The following HMCN1 variants were observed in gnomAD, a reference collection of about 807,000 sequenced individuals.
The protein encoded by HMCN1 is hemicentin-1.
A neutral mutation model predicts 625.9 loss-of-function variants in HMCN1; 321 were observed. The observed-to-expected ratio is 0.51, with a 90% CI of 0.47 to 0.56. HMCN1 has a LOEUF of 0.56. Ranked by LOEUF, HMCN1 falls within the 20% of genes least tolerant of loss-of-function variation. The probability of loss-of-function intolerance (pLI) is 0.00; values close to 1 mark genes in which losing one functional copy is unlikely to be tolerated. For missense variants in HMCN1, 6,588 were observed against 6,887.3 expected, an observed-to-expected ratio of 0.96 and a Z score of 1.54; for synonymous variants, 2,425 against 2,417.6, an observed-to-expected ratio of 1.00 and a Z score of -0.09.
At chr1:185,968,027 A>T (rs1650542990) in intron 14 of HMCN1, among the ~76,000 whole-genome samples, 1 of 152,198 alleles carries the variant, frequency 6.6e-6, no homozygotes, top group Non-Finnish European at 1.5e-5. Flanking sequence ...GAAATCTTAT[A>T]AAAAGTATAT....
At chr1:185,843,443 T>C (rs1330435890) in intron 1 of HMCN1, among the ~76,000 whole-genome samples, 2 of 152,282 alleles carry the variant, frequency 1.3e-5, no homozygotes, top group East Asian at 1.9e-4. Flanking sequence ...CTATAAGCAC[T>C]GGAGACCATG....
At chr1:186,047,066 C>T (rs528298834) in intron 41 of HMCN1, among the ~76,000 whole-genome samples, 80 of 152,122 alleles carry the variant, frequency 5.3e-4, no homozygotes, top group Non-Finnish European at 8.5e-4. Flanking sequence ...AAATAGATGA[C>T]GGGCAGTAAG....
At chr1:185,816,735 A>G (rs1343455019) in intron 1 of HMCN1, among the ~76,000 whole-genome samples, 1 of 152,176 alleles carries the variant, frequency 6.6e-6, no homozygotes, top group Non-Finnish European at 1.5e-5. Context: ...TGGATTTGTA[A>G]GCTCCCTCAG....
intron 11 of HMCN1, among the ~76,000 whole-genome samples, chr1:185,939,290 G>A (rs1315447779): frequency 1.3e-5 from 2 of 152,162 alleles, no homozygotes; most frequent in Non-Finnish European, 2.9e-5. Flanking sequence ...ATTTCATTAT[G>A]AGAATTCCTT....
rs1659673953 is a variant in HMCN1 at position 186,088,719 on chromosome 1, G to A, written c.9691G>A (p.Gly3231Arg). The change falls in exon 63 of 107, where the codon GGA becomes AGA. Residue 3231 changes from glycine to arginine, a missense_variant. Around this residue, in one of 3 missense-constraint regions of HMCN1, gnomAD observed 4,628 missense variants for 4,853.1 expected, o/e 0.95. Coordinates refer to ENST00000271588, the MANE Select transcript of HMCN1 (RefSeq NM_031935.3). ...TACATGTATTGCTTCAAATATGGAG[G>A]GAAAAGCCCAGAAATATTACTTTCT... The part of the protein sequence containing the change: ...NYTCIASNME[G>R]KAQKYYFLSI... 1.9e-6 allele frequency: 3 copies of A among 1,610,510 alleles called. No individual in the cohort carries two copies. Among genetic ancestry groups the A allele is most frequent in the Non-Finnish European group, 1.7e-6 (2 of 1,177,872 alleles).
Position 186,048,844 on chromosome 1 carries a change from G to A in HMCN1, c.6577+5G>A. The A allele has an allele frequency of 6.4e-7, 1 of 1,570,886 alleles. No individual in the cohort carries two copies. The highest frequency in any genetic ancestry group is 8.8e-7 in the Non-Finnish European group (1 of 1,142,318). The stretch of plus-strand genomic sequence containing the variant: ...ACTACAATGTCAACATTTGGGGTAA[G>A]TGTAATCAGCTCTTGAAAGCAAATA... On this transcript the variant is annotated splice_donor_5th_base_variant and intron_variant, in intron 42 of 106. Coordinates refer to ENST00000271588, the MANE Select transcript of HMCN1 (RefSeq NM_031935.3).
chr1:185,743,367 T>C (rs972516659), intron 1 of HMCN1, among the ~76,000 whole-genome samples: 3 of 152,230 alleles, frequency 2.0e-5, no homozygotes, highest in African/African-American at 7.2e-5. Context: ...ATATCTCCCA[T>C]CCAAGCTTGA....
chr1:185,990,101 A>G (rs1368611228), intron 21 of HMCN1, among the ~76,000 whole-genome samples, 174 bp from the exon 22 acceptor site: 1 of 152,102 alleles, frequency 6.6e-6, no homozygotes, highest in East Asian at 1.9e-4. Context: ...GTTTTTCGTC[A>G]TTTCTCTTTT....
intron 54 of HMCN1, among the ~76,000 whole-genome samples, chr1:186,077,067 G>GATCAATAAATT (rs1658866012): frequency 2.6e-5 from 4 of 152,198 alleles, no homozygotes; most frequent in Non-Finnish European, 5.9e-5. Context: ...TGATTGCAAA[G>GATCAATAAATT]ATGTTTAAAC....
chr1:186,111,869 A>G lies in HMCN1; in HGVS notation c.10990-943A>G, dbSNP rs78756464. On this transcript the variant is annotated intron_variant, in intron 71 of 106. Coordinates refer to ENST00000271588, the MANE Select transcript of HMCN1 (RefSeq NM_031935.3). The stretch of plus-strand genomic sequence containing the variant: ...TAAAATAAATGGACCTGAACTGCAT[A>G]TTTTACTTTGAACAATGTTTTCTTA... Among the ~76,000 whole-genome samples, 99 of 152,256 alleles carry G rather than the reference A, an allele frequency of 6.5e-4. 1 individual carries two copies. In the East Asian group the frequency reaches 0.018, roughly 28 times the overall value.
intron 1 of HMCN1, among the ~76,000 whole-genome samples, chr1:185,782,508 T>C (rs535063898): frequency 2.0e-5 from 3 of 152,348 alleles, no homozygotes; most frequent in South Asian, 2.1e-4. Context: ...CCATGTTTAG[T>C]GCTTCCTTCA....
intron 63 of HMCN1, among the ~76,000 whole-genome samples, chr1:186,089,748 C>G (rs752088326): frequency 1.6e-4 from 25 of 151,846 alleles, no homozygotes; most frequent in Non-Finnish European, 3.2e-4. Flanking sequence ...CAGTGCTTGT[C>G]ATATATTAGA....
At chr1:186,163,394 C>T (rs373922032) in intron 97 of HMCN1, among the ~76,000 whole-genome samples, 17 of 152,310 alleles carry the variant, frequency 1.1e-4, no homozygotes, top group East Asian at 1.9e-4. Flanking sequence ...CTTCGGCTCA[C>T]GCACGGTGCG....
At chr1:186,038,336 T>C (rs1342372615) in intron 37 of HMCN1, among the ~76,000 whole-genome samples, 3 of 152,228 alleles carry the variant, frequency 2.0e-5, no homozygotes, top group African/African-American at 7.2e-5. Context: ...GCTGAAACTT[T>C]TTTTTAACTT....
At chr1:186,018,704 A>C (rs79554253) in intron 34 of HMCN1, among the ~76,000 whole-genome samples, 4,360 of 152,146 alleles carry the variant, frequency 0.029, 91 homozygotes, top group Non-Finnish European at 0.042. Context: ...GCAAGTTCCA[A>C]GTAAAGGGGT....
At chr1:185,928,177 C>T (rs902221091) in intron 9 of HMCN1, among the ~76,000 whole-genome samples, 3 of 152,006 alleles carry the variant, frequency 2.0e-5, no homozygotes, top group African/African-American at 4.8e-5. Context: ...AATTAAATTG[C>T]TTTGTCTAAG....
intron 4 of HMCN1, among the ~76,000 whole-genome samples, chr1:185,902,762 C>A (rs192416608): frequency 5.3e-5 from 8 of 151,472 alleles, no homozygotes; most frequent in Admixed American, 3.3e-4. Flanking sequence ...AGGTAGCCAG[C>A]GATAAGACCA....
chr1:185,936,596 A>G (rs979152660), intron 11 of HMCN1, among the ~76,000 whole-genome samples: 4 of 152,228 alleles, frequency 2.6e-5, no homozygotes, highest in Non-Finnish European at 5.9e-5. Context: ...TAATAGCTCT[A>G]ACTATCCAAA....
At chr1:186,023,238 A>C in intron 36 of HMCN1, 85 bp downstream of exon 36, 4 of 1,243,058 alleles carry the variant, frequency 3.2e-6, no homozygotes, top group Non-Finnish European at 4.7e-6. Flanking sequence ...GAATTACAGT[A>C]TAAAAGAAAC....
Sources: allele counts gnomAD v4.1 joint callset (sites outside exome capture counted in the v4.1 genomes callset), GRCh38; gene constraint gnomAD v4.1.1; regional missense constraint gnomAD v4.1.1; transcripts MANE v1.5; gene names NCBI Gene and HGNC (gene_info 2026-07-23, HGNC 2026-07-21).